Variants in FRMD1 observed in about 807,000 individuals in gnomAD.
FRMD1 encodes the protein FERM domain-containing protein 1.
A neutral mutation model predicts 54.9 loss-of-function variants in FRMD1; 51 were observed. That is an observed-to-expected ratio of 0.93 (90% confidence interval 0.74 to 1.17). FRMD1 has a LOEUF of 1.17. Among genes scored for constraint, FRMD1 ranks in the 50% most tolerant of loss-of-function variants. FRMD1 has a pLI of 0.00. For synonymous variants in FRMD1, 324 were observed against 306.4 expected, an observed-to-expected ratio of 1.06 and a Z score of -0.60; for missense variants, 729 against 743.0, an observed-to-expected ratio of 0.98 and a Z score of 0.22.
rs545398649 is a variant in FRMD1 at position 168,090,288 on chromosome 6, G to C, written c.-12+11137C>G. Among the ~76,000 whole-genome samples, 6 of 152,278 alleles carry C rather than the reference G, an allele frequency of 3.9e-5. No homozygotes were observed. In the South Asian group the frequency reaches 1.2e-3, roughly 32 times the overall value. ...TCACAGCAGAGAACTCCTGCTCAAA[G>C]CCCACAGACGGCTCCCACCTCCCTC... is the stretch of plus-strand genomic sequence containing the variant. On this transcript the variant is annotated intron_variant, in intron 1 of 12. Coordinates refer to the FRMD1 transcript ENST00000644440.
At chr6:168,062,655 C>T (rs536825906) in intron 7 of FRMD1, 19 of 1,548,210 alleles carry the variant, frequency 1.2e-5, no homozygotes, top group East Asian at 2.4e-5. Flanking sequence ...GGCACGGGGA[C>T]CCCCCAGACA....
At position 168,075,317 on chromosome 6, in the gene FRMD1, C is replaced by A. The variant is rs370055309; in HGVS notation, c.232G>T (p.Glu78Ter). ...LAVGVKATGR[E>*]LFQQVCNVAS... ...ACGTTGCACACTTGCTGGAAAAGCT[C>A]GCGGCCAGTAGCCTTCACCTGCAAA... Residue 78 changes from glutamate to a stop codon, truncating the protein, a stop_gained, in exon 2 of 11, where the codon GAG becomes TAG. Coordinates refer to ENST00000283309, the MANE Select transcript of FRMD1 (RefSeq NM_024919.6). LOFTEE classifies it high-confidence loss of function. 4.4e-5 allele frequency: 71 copies of A among 1,613,094 alleles called. No homozygotes were observed. The highest frequency in any genetic ancestry group is 5.8e-5 in the Non-Finnish European group (69 of 1,180,002).
At chr6:168,067,632 G>A in intron 2 of FRMD1, 186 bp from the exon 3 acceptor site, 1 of 535,820 alleles carries the variant, frequency 1.9e-6, no homozygotes. Context: ...ACACATGCAG[G>A]TGTCAAATGC....
chr6:168,064,096 C>A (rs570845747), intron 5 of FRMD1, among the ~76,000 whole-genome samples: 1 of 152,218 alleles, frequency 6.6e-6, no homozygotes, highest in Non-Finnish European at 1.5e-5. Flanking sequence ...TCACCGGGAC[C>A]GGGGTAAGAA....
chr6:168,057,543 T>G, intron 10 of FRMD1: 1 of 674,080 alleles, frequency 1.5e-6, no homozygotes, highest in Non-Finnish European at 2.4e-6. Context: ...TTGATGCATT[T>G]CAGGAGGCCC....
chr6:168,069,408 G>C (rs144511390), intron 2 of FRMD1, among the ~76,000 whole-genome samples: 1 of 152,260 alleles, frequency 6.6e-6, no homozygotes, highest in African/African-American at 2.4e-5. Flanking sequence ...GCCAATGCCC[G>C]GTCTAAGCAA....
At chr6:168,090,734 G>A (rs1254336493) in intron 1 of FRMD1, among the ~76,000 whole-genome samples, 1 of 152,354 alleles carries the variant, frequency 6.6e-6, no homozygotes, top group East Asian at 1.9e-4. Flanking sequence ...TGGCCATGGC[G>A]CGTGCTTAGC....
chr6:168,065,110 C>A, intron 4 of FRMD1, 53 bp from the exon 5 acceptor site: 1 of 1,544,940 alleles, frequency 6.5e-7, no homozygotes. Flanking sequence ...GGACTGCTGG[C>A]CCCTCTGGCC....
chr6:168,083,058 G>A (rs964167552), upstream of FRMD1, among the ~76,000 whole-genome samples: 2 of 152,228 alleles, frequency 1.3e-5, no homozygotes, highest in African/African-American at 2.4e-5. Context: ...AGCGCCGGAG[G>A]TGCTTGCCAG....
chr6:168,065,211 G>T (rs1201121037), intron 4 of FRMD1, 154 bp from the exon 5 acceptor site: 2 of 1,416,790 alleles, frequency 1.4e-6, no homozygotes, highest in Admixed American at 5.8e-5. Flanking sequence ...CTGTGTCCCT[G>T]CAGGGCCAGC....
chr6:168,055,183 G>A lies in FRMD1; in HGVS notation c.*1914C>T, dbSNP rs550410101. ...CGCCTCTGCCAGGACACAAGGCGCC[G>A]GGCCAGCTTCACTGATGCTTCCACA... On this transcript the variant is annotated 3_prime_UTR_variant, in exon 11 of 11. Transcript: ENST00000283309. The A allele has an allele frequency of 2.6e-5, 4 of 152,346 alleles. No homozygotes were observed. In the East Asian group the frequency reaches 5.8e-4, roughly 22 times the overall value. The allele number at this position is 152,346 out of a possible 1,614,324, so 9.4% of individuals were successfully genotyped here.
intron 10 of FRMD1, chr6:168,057,587 T>C: frequency 1.8e-6 from 1 of 552,284 alleles, no homozygotes; most frequent in Non-Finnish European, 3.2e-6. Context: ...GGGGCTGCTT[T>C]CTGCCTTTTA....
chr6:168,079,101 G>T lies in FRMD1; in HGVS notation c.-7C>A. The stretch of plus-strand genomic sequence containing the variant: ...CTCTCGGGGGCACCGCCATGCTGTC[G>T]TTACTCGGCCCTCCCCCGCCATGGG... On this transcript the variant is annotated 5_prime_UTR_variant, in exon 1 of 11. Transcript: ENST00000283309. The T allele has an allele frequency of 1.3e-6, 2 of 1,591,754 alleles. No homozygotes were observed. Among genetic ancestry groups the T allele is most frequent in the Non-Finnish European group, 1.7e-6 (2 of 1,172,726 alleles).
At chr6:168,071,996 G>A (rs923493916) in intron 2 of FRMD1, among the ~76,000 whole-genome samples, 3 of 152,234 alleles carry the variant, frequency 2.0e-5, no homozygotes, top group African/African-American at 7.2e-5. Flanking sequence ...TTAGCATCTG[G>A]GCAGCTGATG....
At chr6:168,067,194 C>A in intron 3 of FRMD1, 173 bp downstream of exon 3, 2 of 673,578 alleles carry the variant, frequency 3.0e-6, no homozygotes, top group Non-Finnish European at 5.4e-6. Flanking sequence ...CCTCTCCCAC[C>A]CCACGCATCC....
chr6:168,088,667 T>C (rs1317318672), intron 1 of FRMD1, among the ~76,000 whole-genome samples: 2 of 152,030 alleles, frequency 1.3e-5, no homozygotes, highest in Non-Finnish European at 2.9e-5. Context: ...GGGAGGGCTG[T>C]GTAGAGAGAA....
intron 1 of FRMD1, among the ~76,000 whole-genome samples, chr6:168,092,561 TCAGAGAGACC>T (rs764163842): frequency 1.6e-4 from 25 of 152,044 alleles, no homozygotes; most frequent in Non-Finnish European, 2.5e-4. Flanking sequence ...GTGCCCTTTA[TCAGAGAGACC>T]CAGAGAGACC....
chr6:168,069,182 T>C (rs921613511), intron 2 of FRMD1, among the ~76,000 whole-genome samples: 47 of 152,312 alleles, frequency 3.1e-4, no homozygotes, highest in African/African-American at 1.1e-3. Flanking sequence ...TTGCAGAGTC[T>C]AGGGGAGTCC....
At chr6:168,084,834 A>T (rs958649508), upstream of FRMD1, among the ~76,000 whole-genome samples, 13 of 152,316 alleles carry the variant, frequency 8.5e-5, no homozygotes, top group South Asian at 2.5e-3. Flanking sequence ...CTCCCACCTC[A>T]TTCCTCCCCA....
Sources: gnomAD v4.1 joint callset for allele counts (sites outside exome capture counted in the v4.1 genomes callset) on GRCh38, gnomAD v4.1.1 for gene constraint, MANE v1.5 for transcripts, NCBI Gene and HGNC (gene_info 2026-07-23, HGNC 2026-07-21) for gene names.